Variants in CDKAL1 observed in about 807,000 individuals in gnomAD.
The protein encoded by CDKAL1 is CDKAL1 threonylcarbamoyladenosine tRNA methylthiotransferase, also known as threonylcarbamoyladenosine tRNA methylthiotransferase.
CDKAL1 carries 32 observed loss-of-function variants against 68.2 expected under a neutral mutation model. The observed-to-expected ratio is 0.47, with a 90% CI of 0.35 to 0.63. The LOEUF (loss-of-function observed/expected upper bound fraction) is 0.63, where lower values mean the gene tolerates loss of function less well. Ranked by LOEUF, CDKAL1 falls within the 30% of genes least tolerant of loss-of-function variation. The probability of loss-of-function intolerance (pLI) is 0.00; values close to 1 mark genes in which losing one functional copy is unlikely to be tolerated. For synonymous variants in CDKAL1, 234 were observed against 244.3 expected (o/e 0.96, Z 0.39); for missense variants, 606 against 696.7 (o/e 0.87, Z 1.47).
intron 9 of CDKAL1, among the ~76,000 whole-genome samples, chr6:20,890,014 A>G (rs1246527386): frequency 6.6e-6 from 1 of 152,120 alleles, no homozygotes; most frequent in East Asian, 1.9e-4. Context: ...TCGGCCCCCC[A>G]AAGTGCTGAG....
chr6:20,941,951 T>C (rs930084388), intron 9 of CDKAL1, among the ~76,000 whole-genome samples: 1 of 152,228 alleles, frequency 6.6e-6, no homozygotes, highest in African/African-American at 2.4e-5. Context: ...GGCAAGAGGA[T>C]AACTAACATA....
intron 4 of CDKAL1, among the ~76,000 whole-genome samples, chr6:20,592,190 A>T (rs963765880): frequency 1.3e-5 from 2 of 152,194 alleles, no homozygotes; most frequent in Admixed American, 1.3e-4. Context: ...ATTGGTGTAT[A>T]GGAATGCTTA....
chr6:20,729,948 C>G (rs1772832360), intron 5 of CDKAL1, among the ~76,000 whole-genome samples: 1 of 152,116 alleles, frequency 6.6e-6, no homozygotes, highest in South Asian at 2.1e-4. Flanking sequence ...CTAAAATACG[C>G]CAAAATCCCC....
chr6:21,228,353 CT>C (rs1356124930), intron 15 of CDKAL1, among the ~76,000 whole-genome samples: 2 of 152,130 alleles, frequency 1.3e-5, no homozygotes, highest in Admixed American at 6.6e-5. Context: ...CTGGAAGGGT[CT>C]GTGTAGTCTT....
chr6:20,690,948 T>C (rs1196983523), intron 5 of CDKAL1, among the ~76,000 whole-genome samples: 1 of 152,226 alleles, frequency 6.6e-6, no homozygotes, highest in Non-Finnish European at 1.5e-5. Flanking sequence ...ATATGCTAAT[T>C]ATTTTGCTTA....
intron 4 of CDKAL1, among the ~76,000 whole-genome samples, chr6:20,600,496 T>C (rs140653409): frequency 4.0e-4 from 61 of 152,194 alleles, no homozygotes; most frequent in African/African-American, 1.2e-3. Flanking sequence ...AGTTTGATTC[T>C]GTCAATTTCA....
intron 5 of CDKAL1, among the ~76,000 whole-genome samples, chr6:20,728,489 T>G (rs1772755365): frequency 6.6e-6 from 1 of 152,152 alleles, no homozygotes; most frequent in South Asian, 2.1e-4. Flanking sequence ...AGAGTGAATA[T>G]GTATGGCTTA....
chr6:20,936,614 A>C (rs1763728105), intron 9 of CDKAL1, among the ~76,000 whole-genome samples: 1 of 152,034 alleles, frequency 6.6e-6, no homozygotes, highest in African/African-American at 2.4e-5. Context: ...TACTTACTAA[A>C]TACCACTTGC....
intron 10 of CDKAL1, among the ~76,000 whole-genome samples, chr6:20,977,803 A>G (rs1456416006): frequency 1.3e-5 from 2 of 152,306 alleles, no homozygotes; most frequent in East Asian, 1.9e-4. Context: ...ACTTGAGCCC[A>G]GGAGGCGGAG....
At chr6:21,224,579 A>G (rs1039279284) in intron 15 of CDKAL1, among the ~76,000 whole-genome samples, 1 of 152,118 alleles carries the variant, frequency 6.6e-6, no homozygotes, top group African/African-American at 2.4e-5. Context: ...TGAAAATGGA[A>G]AAAAAAGGGT....
chr6:20,636,652 CCTCTGAAA>C (rs1299720838), intron 4 of CDKAL1, among the ~76,000 whole-genome samples: 1 of 152,046 alleles, frequency 6.6e-6, no homozygotes, highest in Admixed American at 6.6e-5. Context: ...AAATCTAGGT[CCTCTGAAA>C]CTCCGAGTCC....
chr6:20,830,981 C>G (rs1412746218), intron 8 of CDKAL1, among the ~76,000 whole-genome samples: 2 of 151,446 alleles, frequency 1.3e-5, no homozygotes, highest in East Asian at 3.9e-4. Flanking sequence ...TTAGCAAAAC[C>G]CAGAATTTGG....
At chr6:20,956,126 G>A (rs1292832081) in intron 10 of CDKAL1, among the ~76,000 whole-genome samples, 1 of 152,138 alleles carries the variant, frequency 6.6e-6, no homozygotes, top group Admixed American at 6.6e-5. Context: ...CATTACTGTG[G>A]CACCTGTATT....
chr6:20,715,769 A>T lies in CDKAL1; in HGVS notation c.372-23750A>T, dbSNP rs369843818. 2.6e-5 allele frequency among the ~76,000 whole-genome samples: 4 copies of T among 152,292 alleles called. No individual in the cohort carries two copies. The East Asian group carries it at 7.7e-4, about 29-fold the overall frequency. On this transcript the variant is annotated intron_variant, in intron 5 of 15. Coordinates refer to ENST00000274695, the MANE Select transcript of CDKAL1 (RefSeq NM_017774.3). Reference sequence around the variant, plus strand: ...GCTATGTAGGATATTCTGAAAATATATTTAAAATATTCTTATTTTTCCTAG... The same window carrying T: ...GCTATGTAGGATATTCTGAAAATATTTTTAAAATATTCTTATTTTTCCTAG...
chr6:21,167,903 C>G (rs1274102585), intron 13 of CDKAL1, among the ~76,000 whole-genome samples: 1 of 152,180 alleles, frequency 6.6e-6, no homozygotes, highest in Non-Finnish European at 1.5e-5. Flanking sequence ...CAGATGTCTT[C>G]AGAAGCCCTT....
chr6:21,084,250 G>C (rs1772575917), intron 12 of CDKAL1, among the ~76,000 whole-genome samples: 1 of 152,058 alleles, frequency 6.6e-6, no homozygotes, highest in South Asian at 2.1e-4. Context: ...ATTTCTAATA[G>C]TTTTAAGTCC....
rs77496964 is a variant in CDKAL1 at position 21,042,129 on chromosome 6, G to A, written c.1056-22919G>A. Among the ~76,000 whole-genome samples the A allele has an allele frequency of 3.6e-3, 546 of 152,144 alleles. 1 individual carries two copies. The highest frequency in any genetic ancestry group is 0.012 in the African/African-American group (487 of 41,488). ...TTTTAACTACCAGGGAAAATTTCTAGTTGAGGCACTCAAGTCTTAATCCAT... is the reference window on the plus strand; with the variant it reads ...TTTTAACTACCAGGGAAAATTTCTAATTGAGGCACTCAAGTCTTAATCCAT... On this transcript the variant is annotated intron_variant, in intron 11 of 15. Transcript: ENST00000274695.
chr6:20,602,542 G>A (rs1483486895), intron 4 of CDKAL1, among the ~76,000 whole-genome samples: 3 of 152,084 alleles, frequency 2.0e-5, no homozygotes, highest in Non-Finnish European at 4.4e-5. Context: ...AGGCTTTTAC[G>A]TCGTGGTTAG....
chr6:20,756,862 T>C (rs1311740431), intron 6 of CDKAL1: 1 of 43,560 alleles, frequency 2.3e-5, no homozygotes, highest in African/African-American at 1.1e-4. Flanking sequence ...TCCCCTTCCT[T>C]CCTTCCTTCC....
Sources: allele counts gnomAD v4.1 joint callset (sites outside exome capture counted in the v4.1 genomes callset), GRCh38; gene constraint gnomAD v4.1.1; transcripts MANE v1.5; gene names NCBI Gene and HGNC (gene_info 2026-07-23, HGNC 2026-07-21).